Variants in TUSC3 observed in about 807,000 individuals in gnomAD.
The protein encoded by TUSC3 is tumor suppressor candidate 3, also known as dolichyl-diphosphooligosaccharide--protein glycosyltransferase subunit TUSC3.
Under a neutral mutation model 44.8 loss-of-function variants are expected in TUSC3, and 45 were observed. The ratio of observed to expected loss-of-function variants is 1.00; its 90% CI spans 0.79 to 1.29. The LOEUF is 1.29. Among genes scored for constraint, TUSC3 ranks in the 50% most tolerant of loss-of-function variants. TUSC3 has a pLI of 0.00. For missense variants in TUSC3, 519 were observed against 437.9 expected, an observed-to-expected ratio of 1.19 and a Z score of -1.65; for synonymous variants, 212 against 152.9, an observed-to-expected ratio of 1.39 and a Z score of -2.85.
chr8:15,418,279 G>A (rs1359852944), intron 1 of TUSC3, among the ~76,000 whole-genome samples: 3 of 152,102 alleles, frequency 2.0e-5, no homozygotes, highest in Non-Finnish European at 2.9e-5. Context: ...GGTGGTATTC[G>A]TAACTGCACA....
At chr8:15,693,197 C>G (rs1040913929) in intron 6 of TUSC3, among the ~76,000 whole-genome samples, 4 of 152,160 alleles carry the variant, frequency 2.6e-5, no homozygotes, top group Non-Finnish European at 5.9e-5. Context: ...TCCTGTCATC[C>G]TACTGTTAGC....
intron 2 of TUSC3, among the ~76,000 whole-genome samples, chr8:15,512,872 G>GTGTATATATATATATATA (rs761482107): frequency 0.01 from 1,371 of 132,182 alleles, 13 homozygotes; most frequent in East Asian, 0.029. Context: ...ATATGTGTGT[G>GTGTATATATATATATATA]TATATATATA....
rs79688729 is a variant in TUSC3, at chr8:15,427,640, T to G, written n.91+10335T>G. On this transcript the variant is annotated intron_variant and non_coding_transcript_variant, in intron 1 of 5. Coordinates refer to the TUSC3 transcript ENST00000503191. ...CCGCTGTAAAGATTTTTAATAAACT[T>G]TCACTTCTTCTCTAAAACTTGCCTT... 9.7e-3 allele frequency among the ~76,000 whole-genome samples: 1,472 copies of G among 152,182 alleles called. 28 individuals are homozygous for G. Among genetic ancestry groups the G allele is most frequent in the African/African-American group, 0.034 (1,397 of 41,504 alleles).
the TUSC3 span, among the ~76,000 whole-genome samples, chr8:15,849,753 T>C: frequency 1.3e-5 from 2 of 152,088 alleles, no homozygotes; most frequent in Non-Finnish European, 2.9e-5. Flanking sequence ...CAATGCTTTC[T>C]GCCCAAGCAC....
intron 1 of TUSC3, among the ~76,000 whole-genome samples, chr8:15,480,247 C>G (rs931142165): frequency 6.6e-6 from 1 of 152,142 alleles, no homozygotes; most frequent in Admixed American, 6.6e-5. Context: ...ATAAAAATGC[C>G]CATATTGCCC....
At chr8:15,470,944 A>C (rs563321280) in intron 1 of TUSC3, among the ~76,000 whole-genome samples, 1 of 151,994 alleles carries the variant, frequency 6.6e-6, no homozygotes, top group South Asian at 2.1e-4. Flanking sequence ...CCCTGCAATA[A>C]GTGAGTGGGA....
intron 5 of TUSC3, among the ~76,000 whole-genome samples, chr8:15,663,673 A>G (rs1807527388): frequency 6.6e-6 from 1 of 151,892 alleles, no homozygotes; most frequent in Non-Finnish European, 1.5e-5. Flanking sequence ...GTTTCTTAAT[A>G]TTGTTTTCTC....
intron 1 of TUSC3, among the ~76,000 whole-genome samples, chr8:15,468,110 C>G (rs1303397209): frequency 6.6e-6 from 1 of 152,088 alleles, no homozygotes; most frequent in Non-Finnish European, 1.5e-5. Context: ...TAAATGTATT[C>G]TTGATGAGTC....
chr8:15,596,805 C>G (rs971948599), intron 1 of TUSC3, among the ~76,000 whole-genome samples: 1 of 152,022 alleles, frequency 6.6e-6, no homozygotes, highest in African/African-American at 2.4e-5. Context: ...ACTGATAACT[C>G]TTTTTCTCCC....
chr8:15,648,725 C>CAAAAAA (rs58526383), intron 2 of TUSC3, among the ~76,000 whole-genome samples: 933 of 26,150 alleles, frequency 0.036, 280 homozygotes, highest in African/African-American at 0.061. Flanking sequence ...GACTCTGTGT[C>CAAAAAA]AAAAAAAAAA....
chr8:15,477,300 A>T (rs577509551), intron 1 of TUSC3, among the ~76,000 whole-genome samples: 173 of 152,230 alleles, frequency 1.1e-3, no homozygotes, highest in African/African-American at 3.9e-3. Context: ...GTTTTCTAGG[A>T]TAGAGTCTCA....
At chr8:15,456,601 C>T (rs1585052275) in intron 1 of TUSC3, among the ~76,000 whole-genome samples, 1 of 151,954 alleles carries the variant, frequency 6.6e-6, no homozygotes, top group African/African-American at 2.4e-5. Context: ...AATATTCATT[C>T]ACTTATGGAA....
At chr8:15,621,663 A>G (rs1471767081) in intron 1 of TUSC3, among the ~76,000 whole-genome samples, 1 of 148,586 alleles carries the variant, frequency 6.7e-6, no homozygotes, top group African/African-American at 2.4e-5. Context: ...CTATAGCTAT[A>G]TATTTTTATA....
rs1441463487 is a variant in TUSC3 at position 15,563,445 on chromosome 8, T to A, written c.138+22877T>A. On this transcript the variant is annotated intron_variant, in intron 1 of 10. Coordinates refer to ENST00000503731, the MANE Select transcript of TUSC3 (RefSeq NM_006765.4). Reference sequence around the variant, plus strand: ...AGAACAAGCTGGAATCCCAGCATTTTGGGAGGCTGAGGTGGGCGGATCACA... The same window carrying A: ...AGAACAAGCTGGAATCCCAGCATTTAGGGAGGCTGAGGTGGGCGGATCACA... 8.5e-5 allele frequency among the ~76,000 whole-genome samples: 13 copies of A among 152,062 alleles called. 1 individual carries two copies. Among genetic ancestry groups the A allele is most frequent in the Admixed American group, 8.5e-4 (13 of 15,264 alleles).
intron 1 of TUSC3, among the ~76,000 whole-genome samples, chr8:15,434,953 G>T (rs773250448): frequency 2.7e-5 from 4 of 150,358 alleles, no homozygotes; most frequent in Admixed American, 6.6e-5. Flanking sequence ...CATTTGGGTT[G>T]GTTCCAAGTC....
rs1273692761 is a variant in TUSC3 at position 15,748,428 on chromosome 8, T to C, written c.991T>C (p.Ser331Pro). The C allele has an allele frequency of 6.2e-7, 1 of 1,613,380 alleles. No homozygotes were observed. Among genetic ancestry groups the C allele is most frequent in the Non-Finnish European group, 8.5e-7 (1 of 1,179,564 alleles). The change falls in exon 9 of 11, where the codon TCA (serine) becomes CCA (proline). Residue 331 changes from serine (S) to proline (P), a missense_variant. Ser to Pro is a moderately conservative substitution (Grantham distance 74). Transcript: ENST00000503731. ...GGTCTTCTTCTTCAGTTTTCTACTT[T>C]CAATATTTCGTTCCAAGTACCACGG... Reference protein sequence around the residue: ...LVVFFFSFLLSIFRSKYHGYP... With the variant: ...LVVFFFSFLLPIFRSKYHGYP...
At chr8:15,548,175 G>A (rs1451269597) in intron 1 of TUSC3, among the ~76,000 whole-genome samples, 1 of 151,400 alleles carries the variant, frequency 6.6e-6, no homozygotes, top group Non-Finnish European at 1.5e-5. Context: ...CAGCCCAAAC[G>A]AACGAAGACA....
chr8:15,668,222 G>T (rs1199844758), intron 5 of TUSC3, among the ~76,000 whole-genome samples: 1 of 151,714 alleles, frequency 6.6e-6, no homozygotes, highest in African/African-American at 2.4e-5. Context: ...GAATAAATAG[G>T]TTTAAGGACA....
At chr8:15,616,052 G>C (rs538163106) in intron 1 of TUSC3, among the ~76,000 whole-genome samples, 6 of 152,130 alleles carry the variant, frequency 3.9e-5, no homozygotes, top group Non-Finnish European at 8.8e-5. Flanking sequence ...GTCCAGGCTG[G>C]TGTAGGAATA....
Sources: allele counts gnomAD v4.1 joint callset (sites outside exome capture counted in the v4.1 genomes callset), GRCh38; gene constraint gnomAD v4.1.1; transcripts MANE v1.5; gene names NCBI Gene and HGNC (gene_info 2026-07-23, HGNC 2026-07-21).